The following MAPKAP1 variants were observed in gnomAD, a reference collection of about 807,000 sequenced individuals.
The protein encoded by MAPKAP1 is MAPK associated protein 1.
In MAPKAP1, 20 loss-of-function variants were observed where a neutral mutation model predicts 65.7. The observed-to-expected ratio is 0.30, with a 90% CI of 0.21 to 0.44. MAPKAP1 has a LOEUF of 0.44. Among genes scored for constraint, MAPKAP1 ranks in the 20% least tolerant of loss-of-function variants. MAPKAP1 has a pLI of 1.00. For synonymous variants in MAPKAP1, 222 were observed against 244.3 expected, an observed-to-expected ratio of 0.91 and a Z score of 0.85; for missense variants, 423 against 648.0, an observed-to-expected ratio of 0.65 and a Z score of 3.77.
intron 4 of MAPKAP1, among the ~76,000 whole-genome samples, chr9:125,655,693 G>A (rs555379378): frequency 6.6e-6 from 1 of 152,212 alleles, no homozygotes; most frequent in South Asian, 2.1e-4. Flanking sequence ...ATGAGAACAA[G>A]GGTTTAATTG....
At chr9:125,694,690 T>C (rs1408224006) in intron 1 of MAPKAP1, among the ~76,000 whole-genome samples, 1 of 152,130 alleles carries the variant, frequency 6.6e-6, no homozygotes, top group African/African-American at 2.4e-5. Flanking sequence ...TGTGAAATAC[T>C]TCAAATTCCA....
chr9:125,662,564 T>A (rs1834218145), intron 3 of MAPKAP1, among the ~76,000 whole-genome samples: 1 of 152,122 alleles, frequency 6.6e-6, no homozygotes, highest in African/African-American at 2.4e-5. Flanking sequence ...GCACCCGTAG[T>A]CCCAGCTACT....
intron 2 of MAPKAP1, 101 bp from the exon 3 acceptor site, chr9:125,670,008 C>T: frequency 1.6e-6 from 1 of 630,958 alleles, no homozygotes; most frequent in Non-Finnish European, 2.7e-6. Flanking sequence ...TTTTATATTG[C>T]ATATGTAGAG....
intron 7 of MAPKAP1, among the ~76,000 whole-genome samples, chr9:125,511,663 A>G (rs1589247826): frequency 6.6e-6 from 1 of 152,182 alleles, no homozygotes; most frequent in Non-Finnish European, 1.5e-5. Flanking sequence ...AAAAAGACAA[A>G]CTGTGAGGTC....
chr9:125,453,938 T>C (rs184889821), intron 10 of MAPKAP1, among the ~76,000 whole-genome samples: 1 of 152,330 alleles, frequency 6.6e-6, no homozygotes, highest in Admixed American at 6.5e-5. Context: ...ATACTATCAC[T>C]TGTTCTCCTT....
At chr9:125,627,767 C>T (rs1042637926) in intron 4 of MAPKAP1, among the ~76,000 whole-genome samples, 6 of 152,106 alleles carry the variant, frequency 3.9e-5, no homozygotes, top group Admixed American at 3.3e-4. Flanking sequence ...TCCTACTTTA[C>T]GGTAGATCTT....
chr9:125,580,188 A>G (rs1453112629), intron 5 of MAPKAP1, among the ~76,000 whole-genome samples: 1 of 152,234 alleles, frequency 6.6e-6, no homozygotes, highest in African/African-American at 2.4e-5. Flanking sequence ...ATTACTGGGT[A>G]TATACCCAAA....
At position 125,437,764 on chromosome 9, in the gene MAPKAP1, G is replaced by A. The variant is rs909972654; in HGVS notation, c.*1123C>T. The A allele has an allele frequency of 2.0e-5, 3 of 152,264 alleles. No individual in the cohort carries two copies. Among genetic ancestry groups the A allele is most frequent in the African/African-American group, 7.2e-5 (3 of 41,466 alleles). 9.4% of individuals were successfully genotyped at this position (152,264 alleles called of 1,614,324 possible). A position where few individuals can be genotyped will look rare whatever the true frequency, so the allele number is the denominator to read the frequency against. On this transcript the variant is annotated 3_prime_UTR_variant, in exon 12 of 12. Coordinates refer to ENST00000265960, the MANE Select transcript of MAPKAP1 (RefSeq NM_001006617.3). ...CAGTGAAACACCGGTCCCCGGCCCTGGCTGGGGACAGTAAGGACATCACCG... is the reference window on the plus strand; with the variant it reads ...CAGTGAAACACCGGTCCCCGGCCCTAGCTGGGGACAGTAAGGACATCACCG...
At chr9:125,691,446 G>A (rs778801470) in intron 1 of MAPKAP1, among the ~76,000 whole-genome samples, 1 of 152,126 alleles carries the variant, frequency 6.6e-6, no homozygotes, top group African/African-American at 2.4e-5. Flanking sequence ...GACACAATGA[G>A]CGGGCTTCAG....
At chr9:125,493,528 CAAGTG>C (rs1445333525) in intron 8 of MAPKAP1, among the ~76,000 whole-genome samples, 1 of 152,196 alleles carries the variant, frequency 6.6e-6, no homozygotes, top group Non-Finnish European at 1.5e-5. Context: ...GCTGATGGAA[CAAGTG>C]AAGTGTGATG....
intron 1 of MAPKAP1, among the ~76,000 whole-genome samples, chr9:125,701,590 G>T (rs773295929): frequency 2.2e-4 from 33 of 152,182 alleles, no homozygotes; most frequent in Non-Finnish European, 4.3e-4. Context: ...ACTAAACTGT[G>T]ATTCACTGGG....
intron 1 of MAPKAP1, among the ~76,000 whole-genome samples, chr9:125,676,824 T>A (rs1376379900): frequency 4.6e-5 from 7 of 152,218 alleles, no homozygotes; most frequent in East Asian, 3.8e-4. Context: ...TAAGTTTTTT[T>A]AAAAAGTCTA....
intron 11 of MAPKAP1, among the ~76,000 whole-genome samples, chr9:125,441,716 C>G (rs1404637062): frequency 6.6e-6 from 1 of 152,200 alleles, no homozygotes; most frequent in Non-Finnish European, 1.5e-5. Context: ...ACATTTCTCC[C>G]AAGCTCCCGG....
chr9:125,566,014 C>T (rs534579223), intron 5 of MAPKAP1, among the ~76,000 whole-genome samples: 5 of 152,274 alleles, frequency 3.3e-5, no homozygotes, highest in African/African-American at 7.2e-5. Flanking sequence ...GTTGAGAAAT[C>T]TAACTTGGTG....
At chr9:125,445,339 TGC>T in intron 10 of MAPKAP1, among the ~76,000 whole-genome samples, 1 of 152,356 alleles carries the variant, frequency 6.6e-6, no homozygotes, top group South Asian at 2.1e-4. Flanking sequence ...GGCCACAGGC[TGC>T]CAGAGTGCTG....
chr9:125,662,393 T>C (rs969745177), intron 3 of MAPKAP1, among the ~76,000 whole-genome samples: 17 of 151,986 alleles, frequency 1.1e-4, no homozygotes, highest in Non-Finnish European at 2.1e-4. Context: ...AAACAAAAAT[T>C]TTTTTCCTGA....
chr9:125,553,280 G>A (rs1830636914), intron 6 of MAPKAP1, among the ~76,000 whole-genome samples: 1 of 152,182 alleles, frequency 6.6e-6, no homozygotes, highest in Admixed American at 6.5e-5. Context: ...GCTCATGCCT[G>A]TAATCCCAGG....
rs559038305 is a variant in MAPKAP1 at position 125,664,939 on chromosome 9, T to C, written c.349+4879A>G. 4.6e-5 allele frequency among the ~76,000 whole-genome samples: 7 copies of C among 152,182 alleles called. No individual in the cohort carries two copies. The East Asian group carries it at 1.4e-3, about 29-fold the overall frequency. Reference sequence around the variant, plus strand: ...TTACAAGTAACTTGGGAAAGTTATTTGGCCTCTGAGCACCAGTTTTCTCAC... The same window carrying C: ...TTACAAGTAACTTGGGAAAGTTATTCGGCCTCTGAGCACCAGTTTTCTCAC... On this transcript the variant is annotated intron_variant, in intron 3 of 11. Transcript: ENST00000265960.
At chr9:125,649,447 G>A (rs4838279) in intron 4 of MAPKAP1, among the ~76,000 whole-genome samples, 42,165 of 151,960 alleles carry the variant, frequency 0.28, 6,753 homozygotes, top group Non-Finnish European at 0.36. Context: ...TTACCCTATC[G>A]TTTTCTCCTC....
Sources: gnomAD v4.1 joint callset for allele counts (sites outside exome capture counted in the v4.1 genomes callset) on GRCh38, gnomAD v4.1.1 for gene constraint, MANE v1.5 for transcripts, NCBI Gene and HGNC (gene_info 2026-07-23, HGNC 2026-07-21) for gene names.